The following SIK3 variants were observed in gnomAD, a reference collection of about 807,000 sequenced individuals.
The protein encoded by SIK3 is SIK family kinase 3.
Under a neutral mutation model 144.2 loss-of-function variants are expected in SIK3, and 28 were observed. The ratio of observed to expected loss-of-function variants is 0.19; its 90% confidence interval spans 0.14 to 0.27. SIK3 has a LOEUF of 0.27. SIK3 is among the 10% of genes least tolerant of loss of function. SIK3 has a pLI of 1.00. For synonymous variants in SIK3, 686 were observed against 676.3 expected (o/e 1.01, Z -0.22); for missense variants, 1,319 against 1,776.0 (o/e 0.74, Z 4.62).
intron 1 of SIK3, among the ~76,000 whole-genome samples, chr11:117,076,442 C>G (rs139816626): frequency 6.6e-6 from 1 of 152,086 alleles, no homozygotes; most frequent in East Asian, 1.9e-4. Flanking sequence ...GGCATTCTTC[C>G]GAAACCTTTC....
intron 1 of SIK3, among the ~76,000 whole-genome samples, chr11:117,047,741 G>A (rs1953035121): frequency 6.6e-6 from 1 of 152,022 alleles, no homozygotes; most frequent in Non-Finnish European, 1.5e-5. Context: ...CCAGGAGTTT[G>A]AGACCAGCCT....
intron 21 of SIK3, among the ~76,000 whole-genome samples, chr11:116,854,309 C>A (rs890742146): frequency 6.6e-6 from 1 of 152,242 alleles, no homozygotes. Flanking sequence ...CTGCAGTGAA[C>A]CGTGGTTGCA....
chr11:116,863,616 T>C, intron 16 of SIK3, 52 bp downstream of exon 16: 1 of 1,611,916 alleles, frequency 6.2e-7, no homozygotes. Context: ...CCTGCAATCC[T>C]GGCCTCTGTC....
intron 1 of SIK3, among the ~76,000 whole-genome samples, chr11:117,034,485 T>C (rs1434543969): frequency 6.6e-6 from 1 of 152,200 alleles, no homozygotes; most frequent in Non-Finnish European, 1.5e-5. Context: ...AGAAATTAAG[T>C]ATTTAGATCA....
intron 1 of SIK3, among the ~76,000 whole-genome samples, chr11:117,030,483 GA>G (rs964147371): frequency 1.3e-5 from 2 of 152,010 alleles, no homozygotes; most frequent in African/African-American, 4.8e-5. Flanking sequence ...TGAGTATTGT[GA>G]AAAAAGCAAG....
chr11:116,974,208 A>G (rs1949868964), intron 1 of SIK3, among the ~76,000 whole-genome samples: 1 of 152,242 alleles, frequency 6.6e-6, no homozygotes, highest in South Asian at 2.1e-4. Context: ...CTGCTCTTCT[A>G]GCACTACATT....
intron 3 of SIK3, among the ~76,000 whole-genome samples, chr11:116,945,979 T>G (rs1471575673): frequency 6.6e-6 from 1 of 152,200 alleles, no homozygotes; most frequent in Non-Finnish European, 1.5e-5. Flanking sequence ...ATGAAAAGCA[T>G]GAAACATCTT....
chr11:117,074,534 T>C (rs1016424512), intron 1 of SIK3, among the ~76,000 whole-genome samples: 7 of 152,218 alleles, frequency 4.6e-5, no homozygotes, highest in African/African-American at 1.4e-4. Flanking sequence ...ATTATAAGTA[T>C]AGCAAGTTTC....
intron 1 of SIK3, among the ~76,000 whole-genome samples, chr11:117,021,251 G>A (rs1221178243): frequency 6.6e-6 from 1 of 152,182 alleles, no homozygotes; most frequent in African/African-American, 2.4e-5. Context: ...CTACTGCATC[G>A]TAGTAAAAAA....
intron 1 of SIK3, among the ~76,000 whole-genome samples, chr11:116,985,044 T>C (rs1183362421): frequency 6.6e-6 from 1 of 152,352 alleles, no homozygotes; most frequent in South Asian, 2.1e-4. Flanking sequence ...ATCCCTGTTA[T>C]ATAATGGTTT....
chr11:116,891,843 G>A (rs1313443693), intron 6 of SIK3, among the ~76,000 whole-genome samples: 2 of 152,056 alleles, frequency 1.3e-5, no homozygotes, highest in African/African-American at 2.4e-5. Flanking sequence ...GGCAAGGGAA[G>A]ATGATAGTAT....
chr11:116,936,615 C>G (rs1346441448), intron 3 of SIK3, among the ~76,000 whole-genome samples: 1 of 152,208 alleles, frequency 6.6e-6, no homozygotes, highest in Non-Finnish European at 1.5e-5. Context: ...CATCCAATTA[C>G]TTACAAAATA....
chr11:116,911,035 TGAGG>T (rs1167505492), intron 4 of SIK3, among the ~76,000 whole-genome samples: 5 of 152,174 alleles, frequency 3.3e-5, no homozygotes, highest in African/African-American at 1.2e-4. Context: ...CTTGGGAGGC[TGAGG>T]CCAGAGGATC....
chr11:117,028,734 C>A (rs1360412071), intron 1 of SIK3, among the ~76,000 whole-genome samples: 1 of 151,978 alleles, frequency 6.6e-6, no homozygotes. Flanking sequence ...TCAGGCATGG[C>A]CAGGGATAAA....
chr11:116,846,326 T>C lies in SIK3; in HGVS notation c.*13+57A>G, dbSNP rs995966543. 3.6e-5 allele frequency: 57 copies of C among 1,562,438 alleles called. No individual in the cohort carries two copies. The highest frequency in any genetic ancestry group is 2.2e-4 in the Middle Eastern group (1 of 4,574). The stretch of plus-strand genomic sequence containing the variant: ...ACATGGGCTGAAGCTCCTGATGGGA[T>C]TGGGAGCAGGCACTGGGCCACAGGG... On this transcript the variant is annotated intron_variant, in intron 24 of 24. Transcript: ENST00000445177. The surrounding 1 kb of genome is among the most constrained non-coding windows in gnomAD (Gnocchi z 4.1).
chr11:116,964,663 T>C (rs1295339626), intron 1 of SIK3, among the ~76,000 whole-genome samples: 1 of 152,042 alleles, frequency 6.6e-6, no homozygotes, highest in African/African-American at 2.4e-5. Context: ...GGCAGATCAC[T>C]TGAGGTCAGG....
chr11:116,992,522 G>T (rs1233503916), intron 1 of SIK3, among the ~76,000 whole-genome samples: 1 of 151,740 alleles, frequency 6.6e-6, no homozygotes, highest in Non-Finnish European at 1.5e-5. Flanking sequence ...AAATGATATG[G>T]CAATTAGCAC....
chr11:116,862,051 CAGA>C (rs1441670783), intron 17 of SIK3, 125 bp from the exon 18 acceptor site: 47 of 1,300,098 alleles, frequency 3.6e-5, no homozygotes, highest in Non-Finnish European at 5.0e-5. Flanking sequence ...TGTTGTTCAC[CAGA>C]AGGTCTGATT....
intron 2 of SIK3, among the ~76,000 whole-genome samples, chr11:116,955,647 G>T (rs1392790262): frequency 6.6e-6 from 1 of 152,108 alleles, no homozygotes; most frequent in African/African-American, 2.4e-5. Flanking sequence ...AAAAGGTAAG[G>T]TCAAGAAATT....
Sources: gnomAD v4.1 joint callset for allele counts (sites outside exome capture counted in the v4.1 genomes callset) on GRCh38, gnomAD v4.1.1 for gene constraint, Gnocchi (gnomAD v3.1) non-coding constraint, MANE v1.5 for transcripts, NCBI Gene and HGNC (gene_info 2026-07-23, HGNC 2026-07-21) for gene names.